Variants in UBXN2A observed in about 807,000 individuals in gnomAD.
UBXN2A encodes the protein UBX domain-containing protein 2A.
UBXN2A carries 28 observed loss-of-function variants against 28.4 expected under a neutral mutation model. That is an observed-to-expected ratio of 0.99 (90% CI 0.73 to 1.35). The LOEUF is 1.35. Among genes scored for constraint, UBXN2A ranks in the 40% most tolerant of loss-of-function variants. UBXN2A has a pLI of 0.00. For missense variants in UBXN2A, 253 were observed against 297.9 expected (o/e 0.85, Z 1.11); for synonymous variants, 97 against 103.6 (o/e 0.94, Z 0.39).
chr2:23,971,174 A>AT, intron 2 of UBXN2A, 102 bp from the exon 3 acceptor site: 1 of 1,284,536 alleles, frequency 7.8e-7, no homozygotes, highest in Non-Finnish European at 1.0e-6. Context: ...AACTACAGAC[A>AT]TGCACGTAGC....
At chr2:23,951,519 G>T (rs1282835106) in intron 1 of UBXN2A, among the ~76,000 whole-genome samples, 2 of 149,216 alleles carry the variant, frequency 1.3e-5, no homozygotes, top group Admixed American at 6.7e-5. Context: ...GAAGTGCAGT[G>T]GTGCGAGCTT....
chr2:23,979,927 T>C (rs1350384331), intron 4 of UBXN2A, among the ~76,000 whole-genome samples: 2 of 151,068 alleles, frequency 1.3e-5, no homozygotes, highest in African/African-American at 2.5e-5. Flanking sequence ...CTTTTATTTA[T>C]GTAAAAAAAA....
chr2:23,958,085 T>C (rs1706721343), intron 1 of UBXN2A, among the ~76,000 whole-genome samples: 1 of 152,244 alleles, frequency 6.6e-6, no homozygotes, highest in Admixed American at 6.5e-5. Context: ...TATACTTTTT[T>C]TCATAATAAG....
chr2:23,939,566 G>A (rs757581025), upstream of UBXN2A: 1 of 152,698 alleles, frequency 6.5e-6, no homozygotes, highest in Non-Finnish European at 1.5e-5. Flanking sequence ...GCTGCTCGCT[G>A]GCTGCGGCTG....
At chr2:23,985,602 G>GTT (rs34825489) in intron 6 of UBXN2A, among the ~76,000 whole-genome samples, 7,059 of 144,290 alleles carry the variant, frequency 0.049, 198 homozygotes, top group South Asian at 0.071. Context: ...TGTCTAGACA[G>GTT]TTTTTTTTTT....
At chr2:23,956,439 G>A (rs1706628832) in intron 1 of UBXN2A, among the ~76,000 whole-genome samples, 1 of 152,040 alleles carries the variant, frequency 6.6e-6, no homozygotes, top group Non-Finnish European at 1.5e-5. Flanking sequence ...TGCAAGCTCC[G>A]CCTCCAGGGT....
intron 2 of UBXN2A, among the ~76,000 whole-genome samples, chr2:23,960,297 A>G (rs1047575852): frequency 6.6e-6 from 1 of 152,100 alleles, no homozygotes; most frequent in African/African-American, 2.4e-5. Context: ...TGCAGATGCC[A>G]GCCCAGGACC....
At chr2:23,976,906 A>G (rs760399306) in intron 3 of UBXN2A, 63 bp from the exon 4 acceptor site, 5 of 1,409,398 alleles carry the variant, frequency 3.5e-6, no homozygotes, top group Non-Finnish European at 4.0e-6. Flanking sequence ...GAAATTTTCA[A>G]AGGACTTTCA....
At chr2:23,982,058 CATA>C (rs1327061138) in intron 4 of UBXN2A, among the ~76,000 whole-genome samples, 1 of 151,588 alleles carries the variant, frequency 6.6e-6, no homozygotes, top group African/African-American at 2.4e-5. Flanking sequence ...TCATAAATCT[CATA>C]ATGTTTTAAG....
At chr2:23,986,143 C>T (rs1256252035) in intron 6 of UBXN2A, among the ~76,000 whole-genome samples, 1 of 151,892 alleles carries the variant, frequency 6.6e-6, no homozygotes, top group African/African-American at 2.4e-5. Flanking sequence ...CCTGTCTCTA[C>T]TAAAAATACA....
At chr2:23,974,970 C>G (rs911695819) in intron 3 of UBXN2A, among the ~76,000 whole-genome samples, 38 of 149,918 alleles carry the variant, frequency 2.5e-4, no homozygotes, top group African/African-American at 9.1e-4. Flanking sequence ...CACAGCAAGA[C>G]TGTCTCAAAA....
chr2:23,979,853 G>A (rs1707824912), intron 4 of UBXN2A, among the ~76,000 whole-genome samples: 1 of 151,724 alleles, frequency 6.6e-6, no homozygotes, highest in Non-Finnish European at 1.5e-5. Flanking sequence ...TTACCAGCGT[G>A]AGCCACCACG....
chr2:23,951,932 T>C (rs1007125385), intron 1 of UBXN2A, among the ~76,000 whole-genome samples: 6 of 151,754 alleles, frequency 4.0e-5, no homozygotes, highest in African/African-American at 9.7e-5. Flanking sequence ...AAAACGTTAA[T>C]GGGCATAGAG....
At chr2:23,985,438 G>A (rs1330460463) in intron 6 of UBXN2A, among the ~76,000 whole-genome samples, 2 of 151,904 alleles carry the variant, frequency 1.3e-5, no homozygotes, top group African/African-American at 2.4e-5. Flanking sequence ...TAGTAGAGAC[G>A]GGGTTTCACC....
chr2:23,938,555 CTT>C (rs561919115), upstream of UBXN2A, among the ~76,000 whole-genome samples: 90 of 127,522 alleles, frequency 7.1e-4, no homozygotes, highest in African/African-American at 1.1e-3. Flanking sequence ...CCCCCCCTCC[CTT>C]TTTTTTTTTT....
At chr2:23,940,836 C>G (rs1192134421) in intron 1 of UBXN2A, among the ~76,000 whole-genome samples, 188 bp downstream of exon 1, 1 of 151,442 alleles carries the variant, frequency 6.6e-6, no homozygotes, top group Non-Finnish European at 1.5e-5. Context: ...GGAGCCCGAG[C>G]CAGGGTCCCG....
chr2:23,987,702 T>A (rs1708184883), intron 6 of UBXN2A, among the ~76,000 whole-genome samples: 1 of 148,670 alleles, frequency 6.7e-6, no homozygotes, highest in Admixed American at 6.8e-5. Context: ...GGCGTGAACC[T>A]GGGAGGTGGA....
At position 23,971,412 on chromosome 2, in the gene UBXN2A, C is replaced by T; in HGVS notation, c.178C>T (p.Gln60Ter). Residue 60 changes from glutamine (Q) to a stop codon, truncating the protein, a stop_gained and splice_region_variant, in exon 3 of 7, where the codon CAG (glutamine) becomes TAG (stop). Transcript: ENST00000309033. LOFTEE classifies it high-confidence loss of function. ...TGTGTCTCCCGCTGAACAGAAGAAA[C>T]AGGTAAATAAATGTCTATTACTTTT... ...KCVSPAEQKK[Q>*]VDVNIKLWKN... The T allele has an allele frequency of 1.3e-6, 2 of 1,534,914 alleles. No individual in the cohort carries two copies. Among genetic ancestry groups the T allele is most frequent in the Non-Finnish European group, 1.8e-6 (2 of 1,130,348 alleles).
At chr2:23,982,474 C>A (rs187323192) in intron 4 of UBXN2A, among the ~76,000 whole-genome samples, 26 of 151,980 alleles carry the variant, frequency 1.7e-4, no homozygotes, top group African/African-American at 6.0e-4. Flanking sequence ...TATTTCATGA[C>A]TTTAGTACTA....
Sources: allele counts gnomAD v4.1 joint callset (sites outside exome capture counted in the v4.1 genomes callset), GRCh38; gene constraint gnomAD v4.1.1; transcripts MANE v1.5; gene names NCBI Gene and HGNC (gene_info 2026-07-23, HGNC 2026-07-21).